ELP2: variants seen among roughly 807,000 people sequenced by gnomAD.
ELP2 encodes elongator acetyltransferase complex subunit 2.
Under a neutral mutation model 119.2 loss-of-function variants are expected in ELP2, and 90 were observed. That is an observed-to-expected ratio of 0.75 (90% CI 0.64 to 0.90). ELP2 has a LOEUF of 0.90. ELP2 is among the 40% of genes least tolerant of loss of function. ELP2 has a pLI of 0.00. For synonymous variants in ELP2, 339 were observed against 331.0 expected (o/e 1.02, Z -0.26); for missense variants, 921 against 967.8 (o/e 0.95, Z 0.64).
In ELP2 at chr18:36,177,177, C is replaced by G. The variant is rs2091244542; in HGVS notation, c.*2536C>G. 1 of 143,436 alleles carries G rather than the reference C, an allele frequency of 7.0e-6. No individual in the cohort carries two copies. The highest frequency in any genetic ancestry group is 2.6e-5 in the African/African-American group (1 of 38,500). The allele number at this position is 143,436 out of a possible 1,614,324, so 8.9% of individuals were successfully genotyped here. On this transcript the variant is annotated 3_prime_UTR_variant, in exon 22 of 22. Transcript: ENST00000358232. ...CACATGGACAGATATGAAGCAAGCA[C>G]TGTAAAATATTAGTGGTAGTTTTTG...
intron 9 of ELP2, 133 bp from the exon 10 acceptor site, chr18:36,145,815 T>C: frequency 1.3e-6 from 1 of 790,786 alleles, no homozygotes; most frequent in Admixed American, 1.8e-5. Flanking sequence ...TTGTGGTGTT[T>C]GCAATTTTTT....
At position 36,162,985 on chromosome 18, in the gene ELP2, TG is replaced by T. The variant is rs1342557085; in HGVS notation, c.1762-1489del. On this transcript the variant is annotated intron_variant, in intron 17 of 21. Coordinates refer to ENST00000358232, the MANE Select transcript of ELP2 (RefSeq NM_018255.4). Reference sequence around the variant, plus strand: ...GTTACATGGATATATTGTGTCTTGTTGAACTCTGGATTTTAGCATACCCATC... The same window carrying T: ...GTTACATGGATATATTGTGTCTTGTTAACTCTGGATTTTAGCATACCCATC... Among the ~76,000 whole-genome samples the T allele has an allele frequency of 2.6e-5, 4 of 152,286 alleles. No individual in the cohort carries two copies. The East Asian group carries it at 7.7e-4, about 29-fold the overall frequency.
chr18:36,130,896 C>T (rs1567967849), intron 1 of ELP2, among the ~76,000 whole-genome samples: 1 of 152,182 alleles, frequency 6.6e-6, no homozygotes, highest in South Asian at 2.1e-4. Flanking sequence ...TGGCCAGGAG[C>T]GTGTCTCATG....
chr18:36,155,054 C>A, intron 12 of ELP2, 55 bp downstream of exon 12: 1 of 1,490,736 alleles, frequency 6.7e-7, no homozygotes, highest in South Asian at 1.1e-5. Flanking sequence ...TTCACATCAC[C>A]CAGGCTGAAG....
intron 1 of ELP2, 100 bp from the exon 2 acceptor site, chr18:36,133,138 T>G: frequency 1.2e-6 from 1 of 826,812 alleles, no homozygotes; most frequent in Admixed American, 2.0e-5. Flanking sequence ...AAACCTGATC[T>G]TTTTACTAGC....
intron 18 of ELP2, among the ~76,000 whole-genome samples, chr18:36,165,418 A>G (rs751809142): frequency 4.6e-5 from 7 of 152,180 alleles, no homozygotes; most frequent in Non-Finnish European, 8.8e-5. Context: ...AAATTTTTCC[A>G]TTGATAAGAC....
At chr18:36,130,157 C>G in intron 1 of ELP2, 86 bp downstream of exon 1, 1 of 1,575,156 alleles carries the variant, frequency 6.3e-7, no homozygotes, top group Non-Finnish European at 8.7e-7. Flanking sequence ...AGTTGCCGCC[C>G]CAGACCTAGG....
Position 36,177,769 on chromosome 18 carries a change from G to A in ELP2, c.*3128G>A, listed in dbSNP as rs1333605103. 1 of 152,110 alleles carries A rather than the reference G, an allele frequency of 6.6e-6. No homozygotes were observed. Among genetic ancestry groups the A allele is most frequent in the African/African-American group, 2.4e-5 (1 of 41,402 alleles). The allele number at this position is 152,110 out of a possible 1,614,324, so 9.4% of individuals were successfully genotyped here. A position where few individuals can be genotyped will look rare whatever the true frequency, so the allele number is the denominator to read the frequency against. On this transcript the variant is annotated 3_prime_UTR_variant, in exon 22 of 22. Coordinates refer to ENST00000358232, the MANE Select transcript of ELP2 (RefSeq NM_018255.4). ...TTTGGGAAACACAGGGATAACTAAG[G>A]TTAGATAGGTGTTCTTTATTGCAGG...
chr18:36,169,221 C>T (rs2091003126), intron 19 of ELP2, among the ~76,000 whole-genome samples: 1 of 152,058 alleles, frequency 6.6e-6, no homozygotes, highest in Admixed American at 6.6e-5. Context: ...CCACCACGCT[C>T]AGCCTGCTCT....
chr18:36,149,432 T>G (rs2090316018), intron 11 of ELP2, among the ~76,000 whole-genome samples: 1 of 151,014 alleles, frequency 6.6e-6, no homozygotes, highest in Admixed American at 6.6e-5. Context: ...CGTCATGCCT[T>G]AGGAATTTTG....
chr18:36,172,674 T>G (rs1454940651), intron 21 of ELP2, among the ~76,000 whole-genome samples: 1 of 152,180 alleles, frequency 6.6e-6, no homozygotes, highest in Non-Finnish European at 1.5e-5. Flanking sequence ...GGGCACCCTT[T>G]CCTTCCACTT....
At position 36,156,369 on chromosome 18, in the gene ELP2, A is replaced by G. The variant is rs1396260569; in HGVS notation, c.1276-97A>G. On this transcript the variant is annotated intron_variant, in intron 12 of 21. Coordinates refer to ENST00000358232, the MANE Select transcript of ELP2 (RefSeq NM_018255.4). ...ATGGATGAATATTTGCCCCATGGTT[A>G]TATTTCCATTGTATAGTAAATAATT... 4 of 1,188,530 alleles carry G rather than the reference A, an allele frequency of 3.4e-6. No homozygotes were observed. The Admixed American group carries it at 5.5e-5, about 16-fold the overall frequency. 73.6% of individuals were successfully genotyped at this position (1,188,530 alleles called of 1,614,324 possible). A position where few individuals can be genotyped will look rare whatever the true frequency, so the allele number is the denominator to read the frequency against.
intron 11 of ELP2, among the ~76,000 whole-genome samples, chr18:36,153,224 G>A (rs752028495): frequency 6.6e-6 from 1 of 151,986 alleles, no homozygotes; most frequent in Non-Finnish European, 1.5e-5. Context: ...ACCAACTCTT[G>A]GAGTTGGATC....
intron 18 of ELP2, 186 bp downstream of exon 18, chr18:36,164,853 G>T (rs1348215550): frequency 1.6e-6 from 1 of 626,930 alleles, no homozygotes; most frequent in South Asian, 1.9e-5. Flanking sequence ...AAATGGAGAT[G>T]ATCTTTATTT....
chr18:36,133,378 A>G (rs902053700), intron 2 of ELP2, 62 bp downstream of exon 2: 4 of 1,248,230 alleles, frequency 3.2e-6, no homozygotes, highest in Non-Finnish European at 4.7e-6. Flanking sequence ...AAGGTTAGCC[A>G]TTTTTTTCTC....
chr18:36,137,973 C>G (rs1232343091), intron 3 of ELP2: 1 of 352,524 alleles, frequency 2.8e-6, no homozygotes, highest in Non-Finnish European at 5.4e-6. Flanking sequence ...TATTCTGAAT[C>G]TCTTCATAAT....
chr18:36,167,325 T>C, intron 19 of ELP2, 103 bp downstream of exon 19: 1 of 882,048 alleles, frequency 1.1e-6, no homozygotes, highest in Non-Finnish European at 1.7e-6. Context: ...TTACAGCTTT[T>C]AAAAATCAGC....
At chr18:36,164,834 G>A in intron 18 of ELP2, 167 bp downstream of exon 18, 1 of 667,372 alleles carries the variant, frequency 1.5e-6, no homozygotes, top group Non-Finnish European at 2.6e-6. Context: ...GACCTTCCTT[G>A]TAAGATTTAA....
intron 3 of ELP2, 70 bp downstream of exon 3, chr18:36,136,447 A>T: frequency 7.9e-7 from 1 of 1,265,874 alleles, no homozygotes; most frequent in Non-Finnish European, 1.2e-6. Context: ...GTAGAGTTTC[A>T]CTCTGTCACC....
Sources: allele counts gnomAD v4.1 joint callset (sites outside exome capture counted in the v4.1 genomes callset), GRCh38; gene constraint gnomAD v4.1.1; transcripts MANE v1.5; gene names NCBI Gene and HGNC (gene_info 2026-07-23, HGNC 2026-07-21).